Variants in AP4S1 observed in about 807,000 individuals in gnomAD.
AP4S1 encodes adaptor related protein complex 4 subunit sigma 1, also known as AP-4 complex subunit sigma-1.
AP4S1 carries 23 observed loss-of-function variants against 19.8 expected under a neutral mutation model. That is an observed-to-expected ratio of 1.16 (90% confidence interval 0.84 to 1.65). The LOEUF is 1.65. Among genes scored for constraint, AP4S1 ranks in the 40% most tolerant of loss-of-function variants. AP4S1 has a pLI of 0.00. For synonymous variants in AP4S1, 46 were observed against 54.1 expected, an observed-to-expected ratio of 0.85 and a Z score of 0.66; for missense variants, 166 against 172.8, an observed-to-expected ratio of 0.96 and a Z score of 0.22.
Position 31,095,310 on chromosome 14 carries a change from TAATTACA to T in AP4S1, c.*2277_*2283del, listed in dbSNP as rs1490641063. The T allele has an allele frequency of 6.6e-6, 1 of 152,270 alleles. No individual in the cohort carries two copies. Among genetic ancestry groups the T allele is most frequent in the Non-Finnish European group, 1.5e-5 (1 of 68,048 alleles). 9.4% of individuals were successfully genotyped at this position (152,270 alleles called of 1,614,324 possible). ...TGATACTCATTTTAAGGGCACTTAG[TAATTACA>T]ATGCCATTATGTAATTAACTCTATA... On this transcript the variant is annotated 3_prime_UTR_variant, in exon 6 of 6. Coordinates refer to ENST00000542754, the MANE Select transcript of AP4S1 (RefSeq NM_001128126.3).
intron 1 of AP4S1, among the ~76,000 whole-genome samples, chr14:31,045,051 G>A (rs976585477): frequency 3.3e-5 from 5 of 151,724 alleles, no homozygotes. Context: ...ACAGGAGTCC[G>A]CCACTACACC....
intron 1 of AP4S1, chr14:31,026,196 G>A (rs1883911270): frequency 7.1e-7 from 1 of 1,415,796 alleles, no homozygotes; most frequent in Non-Finnish European, 9.1e-7. Flanking sequence ...TGTGTGTGGG[G>A]CCCCGGCCGG....
chr14:31,042,293 A>C lies in AP4S1; in HGVS notation c.-72+16506A>C, dbSNP rs532025421. Among the ~76,000 whole-genome samples the C allele has an allele frequency of 3.9e-5, 6 of 152,304 alleles. No homozygotes were observed. In the East Asian group the frequency reaches 9.6e-4, roughly 24 times the overall value. ...CTGCTTGCGACTAGCTTTTCTGTCC[A>C]AAGAGTAGAAGGTAGAATATGATGA... On this transcript the variant is annotated intron_variant, in intron 1 of 5. Coordinates refer to ENST00000542754, the MANE Select transcript of AP4S1 (RefSeq NM_001128126.3).
chr14:31,029,603 A>C (rs1157622137), intron 1 of AP4S1, among the ~76,000 whole-genome samples: 2 of 152,176 alleles, frequency 1.3e-5, no homozygotes, highest in African/African-American at 2.4e-5. Flanking sequence ...GGATGGCTTA[A>C]GCCTAGGAAT....
At chr14:31,068,421 T>G (rs1026008088) in intron 2 of AP4S1, among the ~76,000 whole-genome samples, 3 of 152,256 alleles carry the variant, frequency 2.0e-5, no homozygotes, top group African/African-American at 7.2e-5. Flanking sequence ...CCTTGGCATC[T>G]CAACTGATTT....
At chr14:31,072,174 C>T (rs1340625351) in intron 3 of AP4S1, among the ~76,000 whole-genome samples, 5 of 152,054 alleles carry the variant, frequency 3.3e-5, no homozygotes, top group African/African-American at 1.2e-4. Flanking sequence ...CTCCTGACCT[C>T]AAGTGATCTA....
chr14:31,066,091 T>C (rs1044587565), intron 1 of AP4S1, 35 bp from the exon 2 acceptor site: 1 of 1,052,058 alleles, frequency 9.5e-7, no homozygotes, highest in South Asian at 1.4e-5. Context: ...AAATTTGATC[T>C]TGCCTTTCTG....
chr14:31,038,930 G>A (rs1198089136), intron 1 of AP4S1, among the ~76,000 whole-genome samples: 2 of 151,384 alleles, frequency 1.3e-5, no homozygotes, highest in African/African-American at 2.4e-5. Context: ...AGTCTTTCAC[G>A]ACCACCATCA....
chr14:31,084,949 T>C (rs1457330270), intron 5 of AP4S1: 1 of 1,611,044 alleles, frequency 6.2e-7, no homozygotes, highest in African/African-American at 1.3e-5. Flanking sequence ...TTCAAATCAG[T>C]GCGTACCTGC....
intron 1 of AP4S1, among the ~76,000 whole-genome samples, chr14:31,038,489 G>T (rs561717435): frequency 7.9e-5 from 12 of 152,080 alleles, no homozygotes; most frequent in African/African-American, 2.9e-4. Context: ...TATATAGAGG[G>T]TACAAAAGGT....
intron 1 of AP4S1, among the ~76,000 whole-genome samples, chr14:31,065,116 T>G (rs1886643564): frequency 6.6e-6 from 1 of 152,196 alleles, no homozygotes; most frequent in South Asian, 2.1e-4. Context: ...ACTATAGATC[T>G]TGTCTCCATT....
At chr14:31,060,815 G>A (rs1886395122) in intron 1 of AP4S1, among the ~76,000 whole-genome samples, 1 of 152,106 alleles carries the variant, frequency 6.6e-6, no homozygotes, top group South Asian at 2.1e-4. Context: ...CTAGATGCAT[G>A]GGATGACACA....
At chr14:31,069,965 A>G in intron 3 of AP4S1, 36 bp downstream of exon 3, 2 of 1,516,014 alleles carry the variant, frequency 1.3e-6, no homozygotes, top group African/African-American at 1.4e-5. Context: ...AAATGCAAGA[A>G]TTTCTTTCTA....
intron 5 of AP4S1, chr14:31,084,806 T>C: frequency 6.2e-7 from 1 of 1,614,210 alleles, no homozygotes; most frequent in Non-Finnish European, 8.5e-7. Context: ...TGCTCAGCCC[T>C]GGAGCCCCAG....
At chr14:31,038,491 A>G (rs1303326011) in intron 1 of AP4S1, among the ~76,000 whole-genome samples, 1 of 152,192 alleles carries the variant, frequency 6.6e-6, no homozygotes, top group Non-Finnish European at 1.5e-5. Flanking sequence ...TATAGAGGGT[A>G]CAAAAGGTTG....
intron 1 of AP4S1, chr14:31,026,380 G>T (rs752322971): frequency 9.9e-4 from 208 of 210,232 alleles, no homozygotes; most frequent in Non-Finnish European, 1.5e-3. Context: ...TCCTCCATCT[G>T]CCCGTCTCAC....
chr14:31,026,297 G>A (rs1883926836), intron 1 of AP4S1: 1 of 1,185,442 alleles, frequency 8.4e-7, no homozygotes, highest in Admixed American at 4.2e-5. Flanking sequence ...GGAGAGGGGC[G>A]GGGAAGGGGT....
intron 4 of AP4S1, among the ~76,000 whole-genome samples, chr14:31,076,106 G>A (rs1047545690): frequency 6.6e-6 from 1 of 152,116 alleles, no homozygotes; most frequent in Admixed American, 6.5e-5. Context: ...TTTGGCTACT[G>A]TAAATAATGC....
intron 5 of AP4S1, chr14:31,085,940 G>A (rs1004022751): frequency 2.1e-5 from 13 of 616,490 alleles, no homozygotes; most frequent in Non-Finnish European, 2.6e-5. Flanking sequence ...CATAGGAAGG[G>A]CATCAATGCT....
Sources: allele counts gnomAD v4.1 joint callset (sites outside exome capture counted in the v4.1 genomes callset), GRCh38; gene constraint gnomAD v4.1.1; transcripts MANE v1.5; gene names NCBI Gene and HGNC (gene_info 2026-07-23, HGNC 2026-07-21).